The following ARIH2 variants were observed in gnomAD, a reference collection of about 807,000 sequenced individuals.
ARIH2 encodes the protein E3 ubiquitin-protein ligase ARIH2.
A neutral mutation model predicts 79.8 loss-of-function variants in ARIH2; 12 were observed. That is an observed-to-expected ratio of 0.15 (90% CI 0.10 to 0.24). ARIH2 has a LOEUF of 0.24. ARIH2 is among the 10% of genes least tolerant of loss of function. The pLI is 1.00. For missense variants in ARIH2, 301 were observed against 618.3 expected (o/e 0.49, Z 5.44); for synonymous variants, 224 against 213.9 (o/e 1.05, Z -0.41).
intron 12 of ARIH2, 54 bp from the exon 13 acceptor site, chr3:48,980,299 C>G: frequency 6.3e-7 from 1 of 1,589,820 alleles, no homozygotes; most frequent in Non-Finnish European, 8.6e-7. Context: ...CCTGTGTAGA[C>G]CTCTGCACCT....
At chr3:48,957,807 C>T (rs879837874) in intron 3 of ARIH2, among the ~76,000 whole-genome samples, 8 of 152,172 alleles carry the variant, frequency 5.3e-5, no homozygotes, top group Admixed American at 1.3e-4. Context: ...CCTCCGCCTC[C>T]CGGGTTCAAG....
intron 3 of ARIH2, among the ~76,000 whole-genome samples, chr3:48,953,052 C>T (rs1302327730): frequency 6.6e-6 from 1 of 152,074 alleles, no homozygotes; most frequent in East Asian, 1.9e-4. Context: ...ACTTCAGCTT[C>T]CCAAGTAGCT....
At position 48,983,195 on chromosome 3, in the gene ARIH2, G is replaced by T; in HGVS notation, c.1411-4G>T. 1 of 1,614,246 alleles carries T rather than the reference G, an allele frequency of 6.2e-7. No individual in the cohort carries two copies. The highest frequency in any genetic ancestry group is 8.5e-7 in the Non-Finnish European group (1 of 1,180,034). On this transcript the variant is annotated splice_polypyrimidine_tract_variant and splice_region_variant and intron_variant, in intron 15 of 15. Coordinates refer to ENST00000356401, the MANE Select transcript of ARIH2 (RefSeq NM_006321.4). ...CAAGCACACACCTTGTTTCTCTGAT[G>T]CAGGACTTGGAGAACCAGATGCATA...
chr3:48,944,535 T>C (rs1278655764), intron 3 of ARIH2, among the ~76,000 whole-genome samples: 1 of 152,154 alleles, frequency 6.6e-6, no homozygotes, highest in Non-Finnish European at 1.5e-5. Flanking sequence ...TCAACCCTCC[T>C]TCCATGTCCC....
intron 3 of ARIH2, chr3:48,949,135 T>G (rs974984596): frequency 1.4e-5 from 6 of 435,816 alleles, no homozygotes; most frequent in Admixed American, 2.5e-5. Context: ...TATTTATTTT[T>G]GAGACGGAGT....
intron 3 of ARIH2, among the ~76,000 whole-genome samples, chr3:48,939,507 C>T (rs2087713301): frequency 6.6e-6 from 1 of 151,774 alleles, no homozygotes; most frequent in Admixed American, 6.6e-5. Context: ...CCTGTAATCC[C>T]AGCACTTTGG....
At chr3:48,941,234 G>A (rs577865732) in intron 3 of ARIH2, among the ~76,000 whole-genome samples, 24 of 152,088 alleles carry the variant, frequency 1.6e-4, no homozygotes, top group Non-Finnish European at 2.4e-4. Context: ...GGCCCAAAGG[G>A]TTATTGACAT....
At chr3:48,926,472 A>G (rs2085632555) in intron 2 of ARIH2, among the ~76,000 whole-genome samples, 1 of 151,356 alleles carries the variant, frequency 6.6e-6, no homozygotes, top group Non-Finnish European at 1.5e-5. Flanking sequence ...GTTTCACCAT[A>G]TTAGCCAGGC....
intron 4 of ARIH2, 51 bp downstream of exon 4, chr3:48,961,730 G>A (rs377524338): frequency 1.9e-4 from 227 of 1,197,964 alleles, no homozygotes; most frequent in Middle Eastern, 3.8e-4. Context: ...TCCCCTCTCC[G>A]TGGTGATTAT....
rs980450712 is a variant in ARIH2, at chr3:48,919,253, G to A, written c.-162+255G>A. On this transcript the variant is annotated intron_variant, in intron 1 of 15. Transcript: ENST00000356401. Reference sequence around the variant, plus strand: ...CAGAGGCCACCGCCTCTGACCAACCGGCGCCGGCACATCTAGGCCCTCTCT... The same window carrying A: ...CAGAGGCCACCGCCTCTGACCAACCAGCGCCGGCACATCTAGGCCCTCTCT... 4.9e-6 allele frequency: 6 copies of A among 1,222,984 alleles called. No homozygotes were observed. The Admixed American group carries it at 1.7e-4, about 35-fold the overall frequency. The allele number at this position is 1,222,984 out of a possible 1,614,324, so 75.8% of individuals were successfully genotyped here. A position where few individuals can be genotyped will look rare whatever the true frequency, so the allele number is the denominator to read the frequency against.
chr3:48,978,854 G>A (rs970312734), intron 11 of ARIH2, among the ~76,000 whole-genome samples: 12 of 151,740 alleles, frequency 7.9e-5, no homozygotes, highest in Non-Finnish European at 1.6e-4. Flanking sequence ...CCAGCTACTC[G>A]GGAGGCTGAG....
intron 3 of ARIH2, among the ~76,000 whole-genome samples, chr3:48,957,108 C>T (rs188134823): frequency 6.6e-6 from 1 of 152,318 alleles, no homozygotes; most frequent in East Asian, 1.9e-4. Flanking sequence ...AGGCATATCT[C>T]CCTTCACATT....
Position 48,968,552 on chromosome 3 carries a change from A to G in ARIH2, c.557A>G (p.Gln186Arg). 1.2e-6 allele frequency: 2 copies of G among 1,610,226 alleles called. No individual in the cohort carries two copies. Among genetic ancestry groups the G allele is most frequent in the Non-Finnish European group, 1.7e-6 (2 of 1,177,302 alleles). The change falls in exon 7 of 16, where the codon CAG becomes CGG. Residue 186 changes from glutamine to arginine, a missense_variant. Physicochemically the swap from Gln to Arg is conservative, Grantham distance 43. Coordinates refer to ENST00000356401, the MANE Select transcript of ARIH2 (RefSeq NM_006321.4). ...TCAACAGGAGTCTCTTGCATGGCTCAGGACTGTCCACTCCGTACACCAGAG... is the reference window on the plus strand; with the variant it reads ...TCAACAGGAGTCTCTTGCATGGCTCGGGACTGTCCACTCCGTACACCAGAG... ...GVGVGVSCMAQDCPLRTPEDF... is the reference protein window; with the variant it reads ...GVGVGVSCMARDCPLRTPEDF...
intron 1 of ARIH2, 75 bp downstream of exon 1, chr3:48,919,073 G>A: frequency 7.7e-7 from 1 of 1,304,820 alleles, no homozygotes; most frequent in African/African-American, 1.5e-5. Flanking sequence ...GCGCCTCCCT[G>A]GCCGGGCCGG....
In ARIH2 at chr3:48,984,432, C is replaced by T. The variant is rs1375191631; in HGVS notation, c.*1162C>T. ...CTGGTTCCAGCTGTCAGAGGGATAC[C>T]ATCCTAGGGTCTGGGAATCCAAGGC... is the stretch of plus-strand genomic sequence containing the variant. On this transcript the variant is annotated 3_prime_UTR_variant, in exon 16 of 16. Coordinates refer to ENST00000356401, the MANE Select transcript of ARIH2 (RefSeq NM_006321.4). 1 of 152,562 alleles carries T rather than the reference C, an allele frequency of 6.6e-6. No individual in the cohort carries two copies. The highest frequency in any genetic ancestry group is 1.5e-5 in the Non-Finnish European group (1 of 68,042). The allele number at this position is 152,562 out of a possible 1,614,324, so 9.5% of individuals were successfully genotyped here.
At chr3:48,970,743 T>C (rs779233118) in intron 8 of ARIH2, 39 bp downstream of exon 8, 1 of 1,490,298 alleles carries the variant, frequency 6.7e-7, no homozygotes, top group East Asian at 2.3e-5. Context: ...CCTGGGCTCA[T>C]GCCCCATCCT....
chr3:48,948,997 C>A (rs775376668), intron 3 of ARIH2: 15 of 447,756 alleles, frequency 3.4e-5, no homozygotes, highest in Non-Finnish European at 5.9e-5. Flanking sequence ...GGCTACTACG[C>A]AGTATGCTGC....
chr3:48,927,475 TA>T lies in ARIH2; in HGVS notation c.-82del. 6.6e-7 allele frequency: 1 copy of T among 1,507,900 alleles called. No individual in the cohort carries two copies. Among genetic ancestry groups the T allele is most frequent in the Non-Finnish European group, 8.9e-7 (1 of 1,118,292 alleles). 93.4% of individuals were successfully genotyped at this position (1,507,900 alleles called of 1,614,324 possible). A position where few individuals can be genotyped will look rare whatever the true frequency, so the allele number is the denominator to read the frequency against. On this transcript the variant is annotated 5_prime_UTR_variant, in exon 3 of 16. In the 5' UTR this introduces an upstream ATG that the reference lacks. Transcript: ENST00000356401. The stretch of plus-strand genomic sequence containing the variant: ...TTCCTCCCTTAGAAGACAAAAATAC[TA>T]ATGCATTTGAGAAAGCGGTAGTTTT...
At chr3:48,954,919 C>T (rs768047961) in intron 3 of ARIH2, among the ~76,000 whole-genome samples, 2 of 152,114 alleles carry the variant, frequency 1.3e-5, no homozygotes, top group Admixed American at 1.3e-4. Flanking sequence ...TTCATAGTGC[C>T]GGGTGTGGTG....
Sources: allele counts gnomAD v4.1 joint callset (sites outside exome capture counted in the v4.1 genomes callset), GRCh38; gene constraint gnomAD v4.1.1; transcripts MANE v1.5; gene names NCBI Gene and HGNC (gene_info 2026-07-23, HGNC 2026-07-21).